Variants in MFSD12 observed in about 807,000 individuals in gnomAD.
MFSD12 encodes major facilitator superfamily domain-containing protein 12.
Under a neutral mutation model 51.2 loss-of-function variants are expected in MFSD12, and 67 were observed. That is an observed-to-expected ratio of 1.31 (90% CI 1.08 to 1.60). The LOEUF is 1.60. MFSD12 is among the 40% of genes most tolerant of loss of function. MFSD12 has a pLI of 0.00. For missense variants in MFSD12, 921 were observed against 673.0 expected (o/e 1.37, Z -4.08); for synonymous variants, 441 against 316.7 (o/e 1.39, Z -4.17).
chr19:3,544,457 C>T lies in MFSD12; in HGVS notation c.*253G>A. 7.4e-7 allele frequency: 1 copy of T among 1,349,424 alleles called. No homozygotes were observed. Among genetic ancestry groups the T allele is most frequent in the South Asian group, 2.1e-5 (1 of 47,414 alleles). 83.6% of individuals were successfully genotyped at this position (1,349,424 alleles called of 1,614,324 possible). A position where few individuals can be genotyped will look rare whatever the true frequency, so the allele number is the denominator to read the frequency against. The stretch of plus-strand genomic sequence containing the variant: ...TCCTGTTCCCTGCCGAGAGGGGCAC[C>T]CCAAATCCTCCAGAGGGCTGGGATG... On this transcript the variant is annotated 3_prime_UTR_variant, in exon 10 of 10. Transcript: ENST00000355415.
intron 8 of MFSD12, 30 bp downstream of exon 8, chr19:3,546,044 A>C: frequency 6.2e-7 from 1 of 1,610,048 alleles, no homozygotes; most frequent in Non-Finnish European, 8.5e-7. Flanking sequence ...TACTGAACAA[A>C]AGAATGAATG....
At chr19:3,540,726 A>G (rs1279996668), downstream of MFSD12, among the ~76,000 whole-genome samples, 6 of 151,700 alleles carry the variant, frequency 4.0e-5, no homozygotes, top group Non-Finnish European at 8.8e-5. Flanking sequence ...CTAAAAATAC[A>G]AAATTAGCCG....
At chr19:3,543,249 C>A (rs2030584264), downstream of MFSD12, 1 of 1,545,702 alleles carries the variant, frequency 6.5e-7, no homozygotes, top group Non-Finnish European at 8.7e-7. Flanking sequence ...GACTACCTGT[C>A]CCTGGAGGGT....
rs1412621305 is a variant in MFSD12 at position 3,557,221 on chromosome 19, C to T, written c.183G>A (p.Leu61=). 2 of 1,586,654 alleles carry T rather than the reference C, an allele frequency of 1.3e-6. No individual in the cohort carries two copies. The highest frequency in any genetic ancestry group is 8.6e-7 in the Non-Finnish European group (1 of 1,168,810). Residue 61 remains leucine (L), a synonymous_variant, in exon 1 of 10, where the codon CTG becomes CTA. Coordinates refer to ENST00000355415, the MANE Select transcript of MFSD12 (RefSeq NM_174983.5). ...RAYSSRGAGL[L]LLLGQVADGL... is the part of the protein sequence containing the mutation. ...CGTCGGCCACCTGGCCCAGCAGCAG[C>T]AGCAGCCCCGCGCCGCGGGAGCTGT... is the stretch of plus-strand genomic sequence containing the variant.
In MFSD12 at chr19:3,548,002, C is replaced by T. The variant is rs1555697976; in HGVS notation, c.683G>A (p.Gly228Asp). 1.9e-6 allele frequency: 3 copies of T among 1,598,918 alleles called. No homozygotes were observed. The South Asian group carries it at 3.3e-5, about 18-fold the overall frequency. ...RNLSLLVVGVGAVFSLLFHLG... is the reference protein window; with the variant it reads ...RNLSLLVVGVDAVFSLLFHLG... ...GTGGAATAGCAGTGAGAACACGGCG[C>T]CGACACCCACCACCAGCAGGGACAG... The change falls in exon 4 of 10, where the codon GGC becomes GAC. Residue 228 changes from glycine to aspartate, a missense_variant. Coordinates refer to ENST00000355415, the MANE Select transcript of MFSD12 (RefSeq NM_174983.5).
chr19:3,547,401 G>A (rs1256517617), intron 5 of MFSD12, 37 bp from the exon 6 acceptor site: 5 of 1,612,118 alleles, frequency 3.1e-6, no homozygotes, highest in African/African-American at 1.3e-5. Flanking sequence ...TGTCAGTCAT[G>A]GCTCGCCAGG....
chr19:3,542,912 C>T, downstream of MFSD12: 1 of 1,433,668 alleles, frequency 7.0e-7, no homozygotes, highest in Non-Finnish European at 9.4e-7. Context: ...TGGACAAGGA[C>T]TGTAGGAATC....
chr19:3,542,851 C>T (rs1238314433), downstream of MFSD12: 1 of 1,381,532 alleles, frequency 7.2e-7, no homozygotes, highest in South Asian at 1.1e-5. Flanking sequence ...CCTGGTGCAC[C>T]TCCAGGCCAG....
At chr19:3,546,968 G>T (rs1214589218) in intron 6 of MFSD12, among the ~76,000 whole-genome samples, 1 of 152,118 alleles carries the variant, frequency 6.6e-6, no homozygotes, top group Non-Finnish European at 1.5e-5. Flanking sequence ...CGAATAGCTG[G>T]GACTACAGGC....
rs772471989 is a variant in MFSD12 at position 3,544,859 on chromosome 19, G to GCGGCCA, written c.1364_1369dup (p.Val455_Ala456dup). 129 of 1,611,870 alleles carry GCGGCCA rather than the reference G, an allele frequency of 8.0e-5. No homozygotes were observed. Among genetic ancestry groups the GCGGCCA allele is most frequent in the Non-Finnish European group, 1.0e-4 (119 of 1,179,638 alleles). ...CAGGAGGCTACAGAGACACAGGGCA[G>GCGGCCA]CGGCCACGCCCACGCCGCCCGTCAC... On this transcript the variant is annotated inframe_insertion, in exon 9 of 10. Transcript: ENST00000355415.
Position 3,547,372 on chromosome 19 carries a change from G to C in MFSD12, c.931-8C>G. Reference sequence around the variant, plus strand: ...AATGGTCGCGATGAACTTCTGCGGAGGCAGAGCCAGGCATGCCGTGTCAGT... The same window carrying C: ...AATGGTCGCGATGAACTTCTGCGGACGCAGAGCCAGGCATGCCGTGTCAGT... On this transcript the variant is annotated splice_region_variant and splice_polypyrimidine_tract_variant and intron_variant, in intron 5 of 9. Transcript: ENST00000355415. 1 of 1,613,108 alleles carries C rather than the reference G, an allele frequency of 6.2e-7. No individual in the cohort carries two copies. Among genetic ancestry groups the C allele is most frequent in the Non-Finnish European group, 8.5e-7 (1 of 1,179,856 alleles).
chr19:3,552,568 T>G (rs1380821725), intron 1 of MFSD12, among the ~76,000 whole-genome samples: 2 of 138,672 alleles, frequency 1.4e-5, no homozygotes, highest in Non-Finnish European at 3.1e-5. Flanking sequence ...TCTGCCTCCC[T>G]AGCTCAAGCC....
At chr19:3,550,905 G>A (rs535713952) in intron 2 of MFSD12, 79 bp downstream of exon 2, 27 of 1,215,480 alleles carry the variant, frequency 2.2e-5, no homozygotes, top group Admixed American at 8.6e-5. Context: ...GTCTGTGGCC[G>A]CTCATTATGC....
intron 4 of MFSD12, 27 bp downstream of exon 4, chr19:3,547,821 G>T: frequency 6.8e-7 from 1 of 1,468,134 alleles, no homozygotes; most frequent in Non-Finnish European, 9.0e-7. Context: ...GAAGGCCCAC[G>T]CCAGCCCCAC....
At position 3,544,562 on chromosome 19, in the gene MFSD12, C is replaced by T. The variant is rs1276415349; in HGVS notation, c.*148G>A. On this transcript the variant is annotated 3_prime_UTR_variant, in exon 10 of 10. Coordinates refer to ENST00000355415, the MANE Select transcript of MFSD12 (RefSeq NM_174983.5). ...TGGCGGGCATCCCTGCTGCCCTCAC[C>T]CGACCCCACCCCCGGGAGCTGGGTG... is the stretch of plus-strand genomic sequence containing the variant. The T allele has an allele frequency of 4.8e-6, 7 of 1,443,720 alleles. No individual in the cohort carries two copies. In the African/African-American group the frequency reaches 8.6e-5, roughly 18 times the overall value. The allele number at this position is 1,443,720 out of a possible 1,614,324, so 89.4% of individuals were successfully genotyped here. A position where few individuals can be genotyped will look rare whatever the true frequency, so the allele number is the denominator to read the frequency against.
At chr19:3,543,393 G>C, downstream of MFSD12, 5 of 1,548,956 alleles carry the variant, frequency 3.2e-6, no homozygotes, top group Admixed American at 3.9e-5. Flanking sequence ...AACCTGCCAC[G>C]GGCCCCGGCC....
Position 3,544,918 on chromosome 19 carries a change from G to A in MFSD12, c.1311C>T (p.Ala437=), listed in dbSNP as rs888871604. ...HPCPSELCCR[A]CVSFYHWAMV... Reference sequence around the variant, plus strand: ...TCGCCCAGTGGTAAAAGCTCACGCAGGCCCTGCAGCAGAGCTCTGAGCTGT... The same window carrying A: ...TCGCCCAGTGGTAAAAGCTCACGCAAGCCCTGCAGCAGAGCTCTGAGCTGT... Residue 437 remains alanine (A), a synonymous_variant, in exon 9 of 10, where the codon GCC becomes GCT. Transcript: ENST00000355415. 1.2e-6 allele frequency: 2 copies of A among 1,610,414 alleles called. No homozygotes were observed. Among genetic ancestry groups the A allele is most frequent in the Non-Finnish European group, 1.7e-6 (2 of 1,179,272 alleles).
downstream of MFSD12, chr19:3,539,859 C>T (rs2030214570): frequency 6.6e-6 from 1 of 152,614 alleles, no homozygotes; most frequent in Admixed American, 6.5e-5. Context: ...CACCCCGATA[C>T]AGTGTCTATT....
rs2030753527 is a variant in MFSD12 at position 3,544,355 on chromosome 19, C to A, written c.*355G>T. 7.8e-7 allele frequency: 1 copy of A among 1,273,994 alleles called. No individual in the cohort carries two copies. The highest frequency in any genetic ancestry group is 9.9e-7 in the Non-Finnish European group (1 of 1,009,850). 78.9% of individuals were successfully genotyped at this position (1,273,994 alleles called of 1,614,324 possible). A position where few individuals can be genotyped will look rare whatever the true frequency, so the allele number is the denominator to read the frequency against. On this transcript the variant is annotated 3_prime_UTR_variant, in exon 10 of 10. Transcript: ENST00000355415. The stretch of plus-strand genomic sequence containing the variant: ...GGGGGCCCTGGCAGTGTCTGGAGAC[C>A]CCCAGGCTGGAGGTGAGGGGTGAAC...
Sources: gnomAD v4.1 joint callset for allele counts (sites outside exome capture counted in the v4.1 genomes callset) on GRCh38, gnomAD v4.1.1 for gene constraint, MANE v1.5 for transcripts, NCBI Gene and HGNC (gene_info 2026-07-23, HGNC 2026-07-21) for gene names.